The following DNAH17 variants were observed in gnomAD, a reference collection of about 807,000 sequenced individuals.
DNAH17 encodes dynein axonemal heavy chain 17.
In DNAH17, 376 loss-of-function variants were observed where a neutral mutation model predicts 485.6. The ratio of observed to expected loss-of-function variants is 0.77; its 90% CI spans 0.71 to 0.84. The LOEUF (loss-of-function observed/expected upper bound fraction) is 0.84. Ranked by LOEUF, DNAH17 falls within the 40% of genes least tolerant of loss-of-function variation. The pLI, the probability that DNAH17 is intolerant of heterozygous loss-of-function variation, is 0.00. For synonymous variants in DNAH17, 3,031 were observed against 2,405.9 expected (o/e 1.26, Z -7.60); for missense variants, 6,370 against 5,839.3 (o/e 1.09, Z -2.96).
At chr17:78,460,064 A>G in intron 59 of DNAH17, 63 bp from the exon 60 acceptor site, 1 of 1,596,764 alleles carries the variant, frequency 6.3e-7, no homozygotes, top group South Asian at 1.1e-5. Flanking sequence ...TGATGCCCCG[A>G]AGAAGCCGCC....
chr17:78,438,603 A>T (rs1252497576), intron 73 of DNAH17, among the ~76,000 whole-genome samples: 1 of 149,294 alleles, frequency 6.7e-6, no homozygotes, highest in Non-Finnish European at 1.5e-5. Context: ...GGTTCAAGCG[A>T]TTTTCCTGCC....
rs570160950 is a variant in DNAH17, at chr17:78,497,413, T to C, written c.5746-1381A>G. Among the ~76,000 whole-genome samples, 4 of 152,310 alleles carry C rather than the reference T, an allele frequency of 2.6e-5. No individual in the cohort carries two copies. In the East Asian group the frequency reaches 7.7e-4, roughly 29 times the overall value. ...TCTGCTGAGCGTGCAGCTTGTCCCC[T>C]GGCAGGACTGGGGCCTTTCGGAACA... On this transcript the variant is annotated intron_variant, in intron 37 of 80. Coordinates refer to ENST00000389840, the MANE Select transcript of DNAH17 (RefSeq NM_173628.4).
intron 14 of DNAH17, among the ~76,000 whole-genome samples, chr17:78,555,543 C>CCAAA: frequency 1.3e-5 from 1 of 77,692 alleles, no homozygotes; most frequent in African/African-American, 5.6e-5. Context: ...GATTCCGTCA[C>CCAAA]AAAAAAAAAA....
rs555133387 is a variant in DNAH17, at chr17:78,486,095, G to T, written c.7140C>A (p.Ile2380=). Residue 2380 remains isoleucine (I), a synonymous_variant, in exon 46 of 81, where the codon ATC becomes ATA. Coordinates refer to ENST00000389840, the MANE Select transcript of DNAH17 (RefSeq NM_173628.4). Reference sequence around the variant, plus strand: ...GGAACTTGATAGTCTTGAATTCGTTGATCCACCATTTACTGAACTCCACTC... The same window carrying T: ...GGAACTTGATAGTCTTGAATTCGTTTATCCACCATTTACTGAACTCCACTC... ...DYRVEFSKWW[I]NEFKTIKFPS... 1.9e-6 allele frequency: 3 copies of T among 1,613,886 alleles called. No homozygotes were observed. Among genetic ancestry groups the T allele is most frequent in the Non-Finnish European group, 8.5e-7 (1 of 1,179,876 alleles).
chr17:78,469,609 C>CTAAATAAATAAA (rs2088652037), intron 54 of DNAH17, among the ~76,000 whole-genome samples: 1 of 152,166 alleles, frequency 6.6e-6, no homozygotes, highest in Non-Finnish European at 1.5e-5. Flanking sequence ...AAGAAGGGTG[C>CTAAATAAATAAA]AGGAGACCCA....
In DNAH17 at chr17:78,480,013, CTTTTTTTTTTTTTTTTT is replaced by C. The variant is rs370344478; in HGVS notation, c.7753-398_7753-382del. ...CTGAATTTCAGATAAACAACAAGTA[CTTTTTTTTTTTTTTTTT>C]TTTTTTTTTTTTTTTTTTTAAAAAA... On this transcript the variant is annotated intron_variant, in intron 49 of 80. Coordinates refer to ENST00000389840, the MANE Select transcript of DNAH17 (RefSeq NM_173628.4). 2.6e-3 allele frequency among the ~76,000 whole-genome samples: 183 copies of C among 70,540 alleles called. 3 individuals are homozygous for C. The highest frequency in any genetic ancestry group is 6.0e-3 in the Admixed American group (32 of 5,336). 46.3% of individuals were successfully genotyped at this position (70,540 alleles called of 152,430 possible). A position where few individuals can be genotyped will look rare whatever the true frequency, so the allele number is the denominator to read the frequency against.
intron 30 of DNAH17, 128 bp downstream of exon 30, chr17:78,506,592 G>T: frequency 7.3e-7 from 1 of 1,372,828 alleles, no homozygotes; most frequent in Non-Finnish European, 9.9e-7. Context: ...GGTGCAGAGG[G>T]CCTCCTGGAG....
At chr17:78,425,991 G>A (rs1333077798) in intron 79 of DNAH17, among the ~76,000 whole-genome samples, 1 of 152,136 alleles carries the variant, frequency 6.6e-6, no homozygotes, top group Non-Finnish European at 1.5e-5. Flanking sequence ...TCGAACTCCT[G>A]GCTTCAAGTG....
chr17:78,444,824 GA>G (rs1405209820), intron 70 of DNAH17, 27 bp from the exon 71 acceptor site: 3 of 1,538,796 alleles, frequency 1.9e-6, no homozygotes, highest in Non-Finnish European at 2.6e-6. Context: ...CGGGCCCTGT[GA>G]CTCTTCCCAC....
intron 44 of DNAH17, among the ~76,000 whole-genome samples, chr17:78,490,453 G>A (rs910671503): frequency 2.6e-5 from 4 of 152,192 alleles, no homozygotes; most frequent in Non-Finnish European, 5.9e-5. Context: ...TCCCACACCA[G>A]CCCTTGTTCC....
At chr17:78,572,156 G>A (rs887194774) in intron 3 of DNAH17, among the ~76,000 whole-genome samples, 2 of 152,158 alleles carry the variant, frequency 1.3e-5, no homozygotes, top group South Asian at 2.1e-4. Flanking sequence ...CCCACGTGAG[G>A]CAAAATACGG....
At chr17:78,494,363 G>C (rs1286273860) in intron 40 of DNAH17, among the ~76,000 whole-genome samples, 190 bp from the exon 41 acceptor site, 1 of 125,628 alleles carries the variant, frequency 8.0e-6, no homozygotes, top group Non-Finnish European at 1.7e-5. Context: ...CTCATGCAGG[G>C]GGTCGGTTTG....
At chr17:78,430,983 C>T (rs372463017) in intron 75 of DNAH17, among the ~76,000 whole-genome samples, 64 of 152,068 alleles carry the variant, frequency 4.2e-4, no homozygotes, top group Non-Finnish European at 7.2e-4. Flanking sequence ...TGGGTTCAAG[C>T]GACCCTCCCA....
chr17:78,503,325 G>T (rs1165813699), intron 31 of DNAH17, among the ~76,000 whole-genome samples: 1 of 143,818 alleles, frequency 7.0e-6, no homozygotes, highest in Non-Finnish European at 1.5e-5. Flanking sequence ...GACTACAGGC[G>T]CCCGCCCCCA....
At position 78,551,646 on chromosome 17, in the gene DNAH17, G is replaced by A. The variant is rs371199370; in HGVS notation, c.2288-8C>T. On this transcript the variant is annotated splice_polypyrimidine_tract_variant and splice_region_variant and intron_variant, in intron 15 of 80. Coordinates refer to ENST00000389840, the MANE Select transcript of DNAH17 (RefSeq NM_173628.4). Reference sequence around the variant, plus strand: ...GAATGTACTGAAACACACCTAAAATGGAAATGTAGAGGAATCTTACAAAAT... The same window carrying A: ...GAATGTACTGAAACACACCTAAAATAGAAATGTAGAGGAATCTTACAAAAT... 2.9e-5 allele frequency: 46 copies of A among 1,613,270 alleles called. No homozygotes were observed. Among genetic ancestry groups the A allele is most frequent in the Non-Finnish European group, 3.9e-5 (46 of 1,179,372 alleles).
chr17:78,465,776 G>A (rs1454635426), intron 56 of DNAH17, among the ~76,000 whole-genome samples: 165 of 140,980 alleles, frequency 1.2e-3, no homozygotes, highest in African/African-American at 4.3e-3. Flanking sequence ...GTCAGCCCCC[G>A]CCAGGCCAGC....
Position 78,514,869 on chromosome 17 carries a change from C to T in DNAH17, c.4018G>A (p.Val1340Met), listed in dbSNP as rs371041605. 3.8e-5 allele frequency: 61 copies of T among 1,614,052 alleles called. No homozygotes were observed. The highest frequency in any genetic ancestry group is 6.7e-5 in the East Asian group (3 of 44,888). The change falls in exon 26 of 81, where the codon GTG becomes ATG. Residue 1340 changes from valine to methionine, a missense_variant. Transcript: ENST00000389840. ...WDAFVGLDNT[V>M]KNVITSLRAV... ...CGCAGGGACGTGATCACGTTTTTCA[C>T]GGTGTTGTCGAGCCCCACGAAGGCA...
chr17:78,466,067 T>A (rs1215748963), intron 56 of DNAH17, among the ~76,000 whole-genome samples: 1 of 152,182 alleles, frequency 6.6e-6, no homozygotes, highest in Non-Finnish European at 1.5e-5. Context: ...TGGGAGACTT[T>A]TCATTTTGTT....
rs190037564 is a variant in DNAH17, at chr17:78,510,726, C to G, written c.4114-220G>C. ...CCTGTAAAACCGCATAAGAGCAGAA[C>G]GCACCTGCACTGGGCGGAATTGCGG... On this transcript the variant is annotated intron_variant, in intron 26 of 80. Coordinates refer to ENST00000389840, the MANE Select transcript of DNAH17 (RefSeq NM_173628.4). The G allele has an allele frequency of 3.4e-4, 186 of 544,870 alleles. 1 individual carries two copies. The East Asian group carries it at 5.6e-3, about 16-fold the overall frequency. The allele number at this position is 544,870 out of a possible 1,614,324, so 33.8% of individuals were successfully genotyped here. A position where few individuals can be genotyped will look rare whatever the true frequency, so the allele number is the denominator to read the frequency against.
Sources: gnomAD v4.1 joint callset for allele counts (sites outside exome capture counted in the v4.1 genomes callset) on GRCh38, gnomAD v4.1.1 for gene constraint, MANE v1.5 for transcripts, NCBI Gene and HGNC (gene_info 2026-07-23, HGNC 2026-07-21) for gene names.